Variants in PLAGL2 observed in about 807,000 individuals in gnomAD.
PLAGL2 encodes PLAG1 like zinc finger 2.
Under a neutral mutation model 29.0 loss-of-function variants are expected in PLAGL2, and 7 were observed. That is an observed-to-expected ratio of 0.24 (90% confidence interval 0.14 to 0.45). The LOEUF is 0.45. PLAGL2 is among the 20% of genes least tolerant of loss of function. PLAGL2 has a pLI of 0.99. For missense variants in PLAGL2, 454 were observed against 648.2 expected, an observed-to-expected ratio of 0.70 and a Z score of 3.25; for synonymous variants, 234 against 266.0, an observed-to-expected ratio of 0.88 and a Z score of 1.17.
In PLAGL2 at chr20:32,194,329, A is replaced by G. The variant is rs1056609732; in HGVS notation, c.*2123T>C. 3 of 152,256 alleles carry G rather than the reference A, an allele frequency of 2.0e-5. No homozygotes were observed. The highest frequency in any genetic ancestry group is 2.0e-4 in the Admixed American group (3 of 15,290). The allele number at this position is 152,256 out of a possible 1,614,324, so 9.4% of individuals were successfully genotyped here. ...ACCATCACCTATAATACAAGTCCCA[A>G]TAACATGCACAGCATGCAGGAGGTG... On this transcript the variant is annotated 3_prime_UTR_variant, in exon 3 of 3. Coordinates refer to ENST00000246229, the MANE Select transcript of PLAGL2 (RefSeq NM_002657.3).
intron 1 of PLAGL2, among the ~76,000 whole-genome samples, chr20:32,204,528 T>C (rs2047276027): frequency 6.6e-6 from 1 of 151,934 alleles, no homozygotes. Context: ...AATGGGGCTA[T>C]GTCTTCACAA....
chr20:32,204,688 TTGTC>T (rs1449331150), intron 1 of PLAGL2, among the ~76,000 whole-genome samples: 2 of 152,186 alleles, frequency 1.3e-5, no homozygotes, highest in African/African-American at 4.8e-5. Context: ...TCTCTGCCCT[TTGTC>T]TGAAAACTCC....
chr20:32,200,128 G>C (rs1321076223), intron 2 of PLAGL2, among the ~76,000 whole-genome samples: 1 of 152,218 alleles, frequency 6.6e-6, no homozygotes, highest in African/African-American at 2.4e-5. Flanking sequence ...CATCTGTCTG[G>C]CTCACTACTC....
At chr20:32,203,932 T>C (rs1172810718) in intron 1 of PLAGL2, among the ~76,000 whole-genome samples, 1 of 152,142 alleles carries the variant, frequency 6.6e-6, no homozygotes, top group Non-Finnish European at 1.5e-5. Context: ...GAGGGGTAGG[T>C]AGCACTAAAA....
At position 32,196,652 on chromosome 20, in the gene PLAGL2, G is replaced by C; in HGVS notation, c.1291C>G (p.Pro431Ala). 6.5e-7 allele frequency: 1 copy of C among 1,535,414 alleles called. No homozygotes were observed. Among genetic ancestry groups the C allele is most frequent in the East Asian group, 2.3e-5 (1 of 44,292 alleles). ...ATGACCAGGCCTCCTGTGGCCCCAG[G>C]TGGGTTACACGGGGGCAGGTTGAGT... ...LPLNLPPCNP[P>A]GATGGLVMGY... is the part of the protein sequence containing the mutation. Residue 431 changes from proline (P) to alanine (A), a missense_variant, in exon 3 of 3, where the codon CCT (proline) becomes GCT (alanine). Transcript: ENST00000246229.
rs1327480503 is a variant in PLAGL2 at position 32,194,096 on chromosome 20, G to C, written c.*2356C>G. ...TCACTTACGGGGAGAGAGAATTCGA[G>C]GGAGGGACAGGAAAGGGCAGGCAGA... On this transcript the variant is annotated 3_prime_UTR_variant, in exon 3 of 3. Coordinates refer to ENST00000246229, the MANE Select transcript of PLAGL2 (RefSeq NM_002657.3). 1.3e-5 allele frequency: 2 copies of C among 152,642 alleles called. No homozygotes were observed. Among genetic ancestry groups the C allele is most frequent in the Middle Eastern group, 3.4e-3 (1 of 296 alleles). The allele number at this position is 152,642 out of a possible 1,614,324, so 9.5% of individuals were successfully genotyped here. A position where few individuals can be genotyped will look rare whatever the true frequency, so the allele number is the denominator to read the frequency against.
At position 32,196,332 on chromosome 20, in the gene PLAGL2, G is replaced by A. The variant is rs980394564; in HGVS notation, c.*120C>T. The A allele has an allele frequency of 1.3e-5, 9 of 710,464 alleles. No homozygotes were observed. The Admixed American group carries it at 2.4e-4, about 19-fold the overall frequency. 44.0% of individuals were successfully genotyped at this position (710,464 alleles called of 1,614,324 possible). A position where few individuals can be genotyped will look rare whatever the true frequency, so the allele number is the denominator to read the frequency against. On this transcript the variant is annotated 3_prime_UTR_variant, in exon 3 of 3. Coordinates refer to ENST00000246229, the MANE Select transcript of PLAGL2 (RefSeq NM_002657.3). ...CCAAGTGCTCCTGTATACAGACACT[G>A]GAATTTTTTTTTTTGAACCCAGCTC...
At position 32,196,590 on chromosome 20, in the gene PLAGL2, G is replaced by A. The variant is rs1478764516; in HGVS notation, c.1353C>T (p.Thr451=). 2 of 1,540,024 alleles carry A rather than the reference G, an allele frequency of 1.3e-6. No homozygotes were observed. Among genetic ancestry groups the A allele is most frequent in the Middle Eastern group, 1.8e-4 (1 of 5,694 alleles). The stretch of plus-strand genomic sequence containing the variant: ...AATCTTGAGGCTGAGCTTGCAAAGT[G>A]GTAAGCAGGGGCTGTGCCTCAGCCT... ...YSQAEAQPLL[T]TLQAQPQDSP... is the part of the protein sequence containing the mutation. Residue 451 remains threonine (T), a synonymous_variant, in exon 3 of 3, where the codon ACC becomes ACT. Transcript: ENST00000246229.
At chr20:32,199,787 T>A (rs150429119) in intron 2 of PLAGL2, among the ~76,000 whole-genome samples, 240 of 152,028 alleles carry the variant, frequency 1.6e-3, no homozygotes, top group Non-Finnish European at 2.8e-3. Flanking sequence ...CTGCAGTTAG[T>A]TATAATCACG....
Position 32,197,576 on chromosome 20 carries a change from T to A in PLAGL2, c.367A>T (p.Asn123Tyr). ...TCAGAGCAGTGGAGGGCCTCTTTGT[T>A]AGGATCATGGGTCTGCAGATGGTTC... The part of the protein sequence containing the change: ...LRNHLQTHDP[N>Y]KEALHCSECG... Residue 123 changes from asparagine (N) to tyrosine (Y), a missense_variant, in exon 3 of 3, where the codon AAC becomes TAC. Around this residue, in one of 4 missense-constraint regions of PLAGL2, gnomAD observed 111 missense variants for 173.1 expected, o/e 0.64. Coordinates refer to ENST00000246229, the MANE Select transcript of PLAGL2 (RefSeq NM_002657.3). The surrounding 1 kb of genome is among the most constrained non-coding windows in gnomAD (Gnocchi z 6.6). 2 of 1,614,190 alleles carry A rather than the reference T, an allele frequency of 1.2e-6. No homozygotes were observed. The highest frequency in any genetic ancestry group is 1.7e-6 in the Non-Finnish European group (2 of 1,180,028).
rs940100140 is a variant in PLAGL2, at chr20:32,192,920, C to A, written c.*3532G>T. On this transcript the variant is annotated 3_prime_UTR_variant, in exon 3 of 3. Transcript: ENST00000246229. ...AAATCGGACTGGAATTTTTCCAAAC[C>A]CCTCTATGGAGGCACTAGGTTATCA... The A allele has an allele frequency of 1.3e-5, 2 of 152,544 alleles. No individual in the cohort carries two copies. The highest frequency in any genetic ancestry group is 4.8e-5 in the African/African-American group (2 of 41,414). The allele number at this position is 152,544 out of a possible 1,614,324, so 9.4% of individuals were successfully genotyped here.
chr20:32,202,083 C>A lies in PLAGL2; in HGVS notation c.96G>T (p.Arg32=), dbSNP rs1198504948. ...GGCACTTCACTTGACTCTCCGCCTCCCGGCCCCGAGGCCTGGGAACTAGTT... is the reference window on the plus strand; with the variant it reads ...GGCACTTCACTTGACTCTCCGCCTCACGGCCCCGAGGCCTGGGAACTAGTT... The part of the protein sequence containing the change: ...GWKLVPRPRG[R]EAESQVKCQC... Residue 32 remains arginine (R), a synonymous_variant, in exon 2 of 3, where the codon CGG becomes CGT. Coordinates refer to ENST00000246229, the MANE Select transcript of PLAGL2 (RefSeq NM_002657.3). The A allele has an allele frequency of 6.8e-6, 11 of 1,614,110 alleles. No homozygotes were observed. The highest frequency in any genetic ancestry group is 3.3e-4 in the Middle Eastern group (2 of 6,084).
chr20:32,200,328 C>T (rs1452092934), intron 2 of PLAGL2, among the ~76,000 whole-genome samples: 2 of 151,938 alleles, frequency 1.3e-5, no homozygotes. Context: ...AGCTCTGCCT[C>T]CTGGGTTCAC....
At position 32,196,805 on chromosome 20, in the gene PLAGL2, C is replaced by T. The variant is rs763383983; in HGVS notation, c.1138G>A (p.Ala380Thr). The change falls in exon 3 of 3, where the codon GCC becomes ACC. Residue 380 changes from alanine to threonine, a missense_variant. By Grantham distance (58) the Ala-to-Thr change is moderately conservative (BLOSUM62 0). Transcript: ENST00000246229. ...LSLSSAEPQPASPQPAAAAAL... is the reference protein window; with the variant it reads ...LSLSSAEPQPTSPQPAAAAAL... ...GCAGCTGCCGCCGGCTGAGGTGAGG[C>T]GGGCTGGGGTTCAGCGGATGAGAGA... The T allele has an allele frequency of 2.9e-5, 47 of 1,612,120 alleles. 2 individuals carry two copies. The highest frequency in any genetic ancestry group is 2.0e-4 in the South Asian group (18 of 90,930).
At chr20:32,201,825 C>T in intron 2 of PLAGL2, 94 bp downstream of exon 2, 1 of 1,044,890 alleles carries the variant, frequency 9.6e-7, no homozygotes, top group Admixed American at 2.3e-5. Context: ...CTCCACTCTT[C>T]TGCCACAGAT....
At position 32,197,761 on chromosome 20, in the gene PLAGL2, C is replaced by A. The variant is rs2047238240; in HGVS notation, c.261-79G>T. On this transcript the variant is annotated intron_variant, in intron 2 of 2. Coordinates refer to ENST00000246229, the MANE Select transcript of PLAGL2 (RefSeq NM_002657.3). The surrounding 1 kb of genome is among the most constrained non-coding windows in gnomAD (Gnocchi z 6.6). The stretch of plus-strand genomic sequence containing the variant: ...GGGATGACTGGACAACCAAAGGTGT[C>A]CATTAACAGGAAACTAGATATAAAA... The A allele has an allele frequency of 3.4e-6, 4 of 1,189,160 alleles. No homozygotes were observed. The highest frequency in any genetic ancestry group is 3.6e-6 in the Non-Finnish European group (3 of 832,394). The allele number at this position is 1,189,160 out of a possible 1,614,324, so 73.7% of individuals were successfully genotyped here. A position where few individuals can be genotyped will look rare whatever the true frequency, so the allele number is the denominator to read the frequency against.
intron 1 of PLAGL2, among the ~76,000 whole-genome samples, chr20:32,205,342 C>T (rs185188019): frequency 2.1e-3 from 326 of 152,222 alleles, no homozygotes; most frequent in Non-Finnish European, 3.3e-3. Flanking sequence ...TCACAACTAA[C>T]CCTCGGCACA....
Position 32,197,362 on chromosome 20 carries a change from T to C in PLAGL2, c.581A>G (p.Asp194Gly). ...GGAKEKKHPC[D>G]HCDRRFYTRK... Reference sequence around the variant, plus strand: ...AGTATAGAACCGCCGGTCGCAGTGGTCACAGGGGTGCTTCTTCTCCTTGGC... The same window carrying C: ...AGTATAGAACCGCCGGTCGCAGTGGCCACAGGGGTGCTTCTTCTCCTTGGC... Residue 194 changes from aspartate (D) to glycine (G), a missense_variant, in exon 3 of 3, where the codon GAC becomes GGC. Asp to Gly is a moderately conservative substitution (Grantham distance 94). This residue lies in a region of PLAGL2 where 111 missense variants were observed against 173.1 expected (regional missense o/e 0.64). Transcript: ENST00000246229. This position sits in a 1 kb window ranked among gnomAD's most constrained non-coding sequence, Gnocchi z 6.6. 1 of 1,607,584 alleles carries C rather than the reference T, an allele frequency of 6.2e-7. No individual in the cohort carries two copies. The highest frequency in any genetic ancestry group is 8.5e-7 in the Non-Finnish European group (1 of 1,177,436).
At chr20:32,203,497 G>C (rs2047270074) in intron 1 of PLAGL2, among the ~76,000 whole-genome samples, 1 of 152,204 alleles carries the variant, frequency 6.6e-6, no homozygotes, top group Admixed American at 6.5e-5. Context: ...TACCAACCAC[G>C]ATGCAACCTG....
Sources: allele counts gnomAD v4.1 joint callset (sites outside exome capture counted in the v4.1 genomes callset), GRCh38; gene constraint gnomAD v4.1.1; regional missense constraint gnomAD v4.1.1; non-coding constraint Gnocchi (gnomAD v3.1); transcripts MANE v1.5; gene names NCBI Gene and HGNC (gene_info 2026-07-23, HGNC 2026-07-21).